Variants in MTIF2 observed in about 807,000 individuals in gnomAD.
MTIF2 encodes mitochondrial translational initiation factor 2.
Under a neutral mutation model 83.5 loss-of-function variants are expected in MTIF2, and 71 were observed. That is an observed-to-expected ratio of 0.85 (90% CI 0.70 to 1.04). MTIF2 has a LOEUF of 1.04. Among genes scored for constraint, MTIF2 ranks in the 50% least tolerant of loss-of-function variants. The probability of loss-of-function intolerance (pLI) is 0.00; values close to 1 mark genes in which losing one functional copy is unlikely to be tolerated. For synonymous variants in MTIF2, 319 were observed against 287.1 expected, an observed-to-expected ratio of 1.11 and a Z score of -1.12; for missense variants, 957 against 846.5, an observed-to-expected ratio of 1.13 and a Z score of -1.62.
chr2:55,260,399 T>A (rs184230950), intron 5 of MTIF2, among the ~76,000 whole-genome samples: 2,314 of 100,082 alleles, frequency 0.023, 27 homozygotes, highest in Admixed American at 0.049. Context: ...AAACTCTGTC[T>A]CAAAAAAAAA....
Position 55,266,077 on chromosome 2 carries a change from G to A in MTIF2, c.-8+1492C>T, listed in dbSNP as rs534038156. Among the ~76,000 whole-genome samples the A allele has an allele frequency of 1.7e-4, 26 of 152,022 alleles. No individual in the cohort carries two copies. In the South Asian group the frequency reaches 4.8e-3, roughly 28 times the overall value. On this transcript the variant is annotated intron_variant, in intron 3 of 15. Transcript: ENST00000263629. ...TCTGTAAATTTTGGCATGCGGCAGC[G>A]GGGGTCCTGGAACCAATGCCCCATA... is the stretch of plus-strand genomic sequence containing the variant.
intron 3 of MTIF2, among the ~76,000 whole-genome samples, chr2:55,267,232 C>T (rs1678503531): frequency 6.6e-6 from 1 of 152,042 alleles, no homozygotes; most frequent in South Asian, 2.1e-4. Flanking sequence ...TCTTGGCTCA[C>T]TACAACCTCC....
Position 55,254,044 on chromosome 2 carries a change from G to C in MTIF2, c.661C>G (p.Leu221Val), listed in dbSNP as rs1485734725. The C allele has an allele frequency of 6.2e-7, 1 of 1,613,854 alleles. No homozygotes were observed. The highest frequency in any genetic ancestry group is 1.3e-5 in the African/African-American group (1 of 74,888). ...GGITQHIGAF[L>V]VSLPSGEKIT... ...GTAAGGTAATTTGTGTTCATACCAA[G>C]AAAGGCACCAATGTGCTGAGTGATG... The change falls in exon 7 of 16, where the codon CTT (leucine) becomes GTT (valine). Residue 221 changes from leucine to valine, a missense_variant. Leu to Val is a conservative substitution (Grantham distance 32, BLOSUM62 1). Transcript: ENST00000263629.
At chr2:55,243,169 T>C (rs1558553827) in intron 12 of MTIF2, 89 bp from the exon 13 acceptor site, 1 of 1,332,798 alleles carries the variant, frequency 7.5e-7, no homozygotes, top group Non-Finnish European at 1.0e-6. Context: ...AAAGCCATGA[T>C]AGGAATGTCA....
intron 8 of MTIF2, among the ~76,000 whole-genome samples, chr2:55,251,759 G>C (rs903029372): frequency 2.6e-5 from 4 of 152,162 alleles, no homozygotes; most frequent in Admixed American, 1.3e-4. Flanking sequence ...AAGTAGCTGG[G>C]ATTACAGGTA....
intron 8 of MTIF2, 84 bp downstream of exon 8, chr2:55,252,393 T>C (rs1677161654): frequency 1.7e-6 from 2 of 1,173,574 alleles, no homozygotes; most frequent in Non-Finnish European, 2.5e-6. Flanking sequence ...TCTGGGATTG[T>C]TGTGAAGACT....
At position 55,243,004 on chromosome 2, in the gene MTIF2, T is replaced by A; in HGVS notation, c.1641A>T (p.Glu547Asp). The A allele has an allele frequency of 6.2e-7, 1 of 1,613,164 alleles. No individual in the cohort carries two copies. Among genetic ancestry groups the A allele is most frequent in the Admixed American group, 1.7e-5 (1 of 59,798 alleles). Residue 547 changes from glutamate to aspartate, a missense_variant, in exon 13 of 16, where the codon GAA (glutamate) becomes GAT (aspartate). Glu to Asp is a conservative substitution (Grantham distance 45). Around this residue, in one of 3 missense-constraint regions of MTIF2, gnomAD observed 733 missense variants for 648.7 expected, o/e 1.13. Coordinates refer to ENST00000263629, the MANE Select transcript of MTIF2 (RefSeq NM_002453.3). The part of the protein sequence containing the change: ...TYDASHECEL[E>D]LVHFGVGDVS... ...CATCACCCACTCCAAAATGTACTAA[T>A]TCTAGTTCACACTCGTGTGAAGCAT...
At chr2:55,252,788 G>A (rs1008845767) in intron 7 of MTIF2, 135 bp from the exon 8 acceptor site, 1 of 581,980 alleles carries the variant, frequency 1.7e-6, no homozygotes, top group African/African-American at 1.9e-5. Context: ...ATCTTAATCA[G>A]AACACAGATC....
chr2:55,266,614 T>C (rs933251622), intron 3 of MTIF2: 3 of 148,630 alleles, frequency 2.0e-5, no homozygotes, highest in African/African-American at 7.3e-5. Flanking sequence ...ATACAACATA[T>C]ATATTATATA....
chr2:55,265,966 G>C (rs986154890), intron 3 of MTIF2, among the ~76,000 whole-genome samples: 4 of 152,054 alleles, frequency 2.6e-5, no homozygotes, highest in Non-Finnish European at 4.4e-5. Context: ...GGTATCATAA[G>C]TAATCTAGAG....
At chr2:55,241,897 C>T (rs1049293246) in intron 13 of MTIF2, among the ~76,000 whole-genome samples, 6 of 152,094 alleles carry the variant, frequency 3.9e-5, no homozygotes, top group Non-Finnish European at 8.8e-5. Flanking sequence ...CCTGTAATTC[C>T]AGCACTTTGG....
chr2:55,262,910 G>T (rs1279138675), intron 4 of MTIF2, among the ~76,000 whole-genome samples: 1 of 152,132 alleles, frequency 6.6e-6, no homozygotes. Context: ...TGTATTTTCA[G>T]TAGAAACAGG....
chr2:55,254,362 T>C lies in MTIF2; in HGVS notation c.504-161A>G, dbSNP rs569688023. 2.6e-5 allele frequency among the ~76,000 whole-genome samples: 4 copies of C among 152,184 alleles called. No homozygotes were observed. In the East Asian group the frequency reaches 7.7e-4, roughly 29 times the overall value. ...CCCCTCCTATACATATGACAGACTA[T>C]TTAATAACTGCCTACCTACCTGTGG... On this transcript the variant is annotated intron_variant, in intron 6 of 15. Transcript: ENST00000263629.
At chr2:55,245,937 T>A (rs1209296562) in intron 10 of MTIF2, among the ~76,000 whole-genome samples, 3 of 152,160 alleles carry the variant, frequency 2.0e-5, no homozygotes, top group Non-Finnish European at 2.9e-5. Context: ...AGCACACCAC[T>A]TCAAAGACCT....
chr2:55,240,063 C>A lies in MTIF2; in HGVS notation c.1818G>T (p.Leu606Phe). Reference protein sequence around the residue: ...HKIIYRLVEDLQEELSSRLPC... With the variant: ...HKIIYRLVEDFQEELSSRLPC... The stretch of plus-strand genomic sequence containing the variant: ...GTAATCTGCTGCTCAGTTCCTCTTG[C>A]AAATCTTCAACAAGACGGTAAATTA... The change falls in exon 14 of 16, where the codon TTG (leucine) becomes TTT (phenylalanine). Residue 606 changes from leucine to phenylalanine, a missense_variant. Physicochemically the swap from Leu to Phe is conservative, Grantham distance 22. Transcript: ENST00000263629. 1 of 1,613,538 alleles carries A rather than the reference C, an allele frequency of 6.2e-7. No homozygotes were observed. The highest frequency in any genetic ancestry group is 1.3e-5 in the African/African-American group (1 of 75,020).
At chr2:55,256,678 G>A (rs985529175) in intron 5 of MTIF2, among the ~76,000 whole-genome samples, 3 of 148,890 alleles carry the variant, frequency 2.0e-5, no homozygotes, top group Non-Finnish European at 4.4e-5. Flanking sequence ...TCCAGCCTGG[G>A]TGACAGAGCG....
intron 5 of MTIF2, among the ~76,000 whole-genome samples, chr2:55,259,403 C>G (rs917107820): frequency 1.3e-5 from 2 of 151,674 alleles, no homozygotes; most frequent in African/African-American, 4.8e-5. Context: ...GAGTACTGCT[C>G]CATGAGACTA....
intron 10 of MTIF2, 114 bp from the exon 11 acceptor site, chr2:55,244,347 C>A: frequency 1.2e-6 from 1 of 810,898 alleles, no homozygotes; most frequent in Admixed American, 2.8e-5. Context: ...ATTAATTCCA[C>A]CACTTCTTAA....
At chr2:55,242,855 G>A in intron 13 of MTIF2, 85 bp downstream of exon 13, 1 of 1,406,896 alleles carries the variant, frequency 7.1e-7, no homozygotes, top group Non-Finnish European at 9.7e-7. Flanking sequence ...TGTCAGGTGT[G>A]ACAAGCCAAG....
Sources: gnomAD v4.1 joint callset for allele counts (sites outside exome capture counted in the v4.1 genomes callset) on GRCh38, gnomAD v4.1.1 for gene constraint, gnomAD v4.1.1 regional missense constraint, MANE v1.5 for transcripts, NCBI Gene and HGNC (gene_info 2026-07-23, HGNC 2026-07-21) for gene names.